The following SUMF1 variants were observed in gnomAD, a reference collection of about 807,000 sequenced individuals.
SUMF1 encodes the protein sulfatase modifying factor 1.
In SUMF1, 48 loss-of-function variants were observed where a neutral mutation model predicts 47.6. The ratio of observed to expected loss-of-function variants is 1.01; its 90% CI spans 0.80 to 1.28. The LOEUF (loss-of-function observed/expected upper bound fraction) is 1.28, where lower values mean the gene tolerates loss of function less well. Among genes scored for constraint, SUMF1 ranks in the 50% most tolerant of loss-of-function variants. The pLI is 0.00. For synonymous variants in SUMF1, 230 were observed against 192.1 expected, an observed-to-expected ratio of 1.20 and a Z score of -1.63; for missense variants, 571 against 485.4, an observed-to-expected ratio of 1.18 and a Z score of -1.66.
chr3:4,288,718 C>T (rs7642568), intron 8 of SUMF1, among the ~76,000 whole-genome samples: 2,474 of 151,658 alleles, frequency 0.016, 73 homozygotes, highest in African/African-American at 0.057. Context: ...AGGAGAATTG[C>T]TTGAAACCTG....
intron 7 of SUMF1, among the ~76,000 whole-genome samples, chr3:4,401,750 A>G (rs547121978): frequency 4.5e-4 from 69 of 152,340 alleles, no homozygotes; most frequent in African/African-American, 1.6e-3. Context: ...ACAAATAACC[A>G]CACTAGCAAA....
At chr3:4,369,354 A>G (rs1225174875) in intron 8 of SUMF1, among the ~76,000 whole-genome samples, 1 of 152,214 alleles carries the variant, frequency 6.6e-6, no homozygotes, top group African/African-American at 2.4e-5. Context: ...CATGCAATGG[A>G]AGCTCTCAAA....
intron 8 of SUMF1, among the ~76,000 whole-genome samples, chr3:4,273,565 G>A (rs993738229): frequency 6.6e-6 from 1 of 151,872 alleles, no homozygotes; most frequent in Non-Finnish European, 1.5e-5. Context: ...TCATAGAAAT[G>A]TTCCAACATT....
chr3:4,407,807 T>C (rs903966374), intron 7 of SUMF1, among the ~76,000 whole-genome samples: 29 of 152,294 alleles, frequency 1.9e-4, no homozygotes, highest in African/African-American at 6.7e-4. Flanking sequence ...AGCAGAACTT[T>C]CAATAGACTC....
At chr3:4,405,153 T>C (rs17040633) in intron 7 of SUMF1, among the ~76,000 whole-genome samples, 1 of 152,082 alleles carries the variant, frequency 6.6e-6, no homozygotes, top group Non-Finnish European at 1.5e-5. Flanking sequence ...TGTGAGTCCA[T>C]GCCCTAAGTC....
intron 1 of SUMF1, among the ~76,000 whole-genome samples, chr3:4,456,648 A>ATGTGTG (rs1315366535): frequency 7.0e-6 from 1 of 143,588 alleles, no homozygotes; most frequent in Non-Finnish European, 1.5e-5. Context: ...GTATATATAT[A>ATGTGTG]TATGTGTGTG....
rs73809520 is a variant in SUMF1, at chr3:4,369,611, C to T, written c.1014+6719G>A. On this transcript the variant is annotated intron_variant, in intron 8 of 8. Transcript: ENST00000272902. ...TAAACGTACACGCTTTTTTAGAAGG[C>T]AAAAATTGATGTGGATGAGATTTCC... Among the ~76,000 whole-genome samples, 581 of 152,196 alleles carry T rather than the reference C, an allele frequency of 3.8e-3. 5 individuals carry two copies. Among genetic ancestry groups the T allele is most frequent in the African/African-American group, 0.013 (552 of 41,532 alleles).
intron 8 of SUMF1, among the ~76,000 whole-genome samples, chr3:4,089,850 T>C (rs1012560102): frequency 6.6e-6 from 1 of 152,164 alleles, no homozygotes; most frequent in Non-Finnish European, 1.5e-5. Flanking sequence ...TGGTCCTTCA[T>C]TTTCAGCTTC....
chr3:4,281,090 A>C (rs935462362), intron 8 of SUMF1, among the ~76,000 whole-genome samples: 1 of 152,098 alleles, frequency 6.6e-6, no homozygotes, highest in Non-Finnish European at 1.5e-5. Flanking sequence ...CAAATGGAAA[A>C]GCAGGGACTG....
At chr3:4,242,726 A>G (rs917684845) in intron 8 of SUMF1, among the ~76,000 whole-genome samples, 2 of 152,126 alleles carry the variant, frequency 1.3e-5, no homozygotes, top group Admixed American at 1.3e-4. Flanking sequence ...ATATTGGCCT[A>G]AATTTTTCTC....
Position 4,464,273 on chromosome 3 carries a change from G to T in SUMF1, c.270+2703C>A, listed in dbSNP as rs1289525018. On this transcript the variant is annotated intron_variant, in intron 1 of 8. Coordinates refer to ENST00000272902, the MANE Select transcript of SUMF1 (RefSeq NM_182760.4). Reference sequence around the variant, plus strand: ...TTCCTCCAAGGCCTAGCTCAAATGTGGCCTTTTTTTTTTTGAGGCACTACT... The same window carrying T: ...TTCCTCCAAGGCCTAGCTCAAATGTTGCCTTTTTTTTTTTGAGGCACTACT... 3.0e-5 allele frequency among the ~76,000 whole-genome samples: 4 copies of T among 133,196 alleles called. No homozygotes were observed. In the East Asian group the frequency reaches 6.1e-4, roughly 20 times the overall value. The allele number at this position is 133,196 out of a possible 152,430, so 87.4% of individuals were successfully genotyped here. A position where few individuals can be genotyped will look rare whatever the true frequency, so the allele number is the denominator to read the frequency against.
At chr3:4,384,006 A>G (rs778268752) in intron 7 of SUMF1, among the ~76,000 whole-genome samples, 1 of 152,248 alleles carries the variant, frequency 6.6e-6, no homozygotes, top group Non-Finnish European at 1.5e-5. Context: ...CAGTGTGACC[A>G]TTATTGCTTT....
chr3:4,044,475 T>C (rs1375356847), intron 9 of SUMF1, among the ~76,000 whole-genome samples: 1 of 152,204 alleles, frequency 6.6e-6, no homozygotes, highest in Non-Finnish European at 1.5e-5. Flanking sequence ...TTTACTGCAG[T>C]AAAAGGGTAT....
At chr3:4,389,361 T>C (rs949186461) in intron 7 of SUMF1, among the ~76,000 whole-genome samples, 1 of 148,392 alleles carries the variant, frequency 6.7e-6, no homozygotes, top group South Asian at 2.1e-4. Flanking sequence ...ATAGGTAAGG[T>C]GTCATTTTTT....
At chr3:4,336,958 A>G (rs1699165193) in intron 8 of SUMF1, among the ~76,000 whole-genome samples, 1 of 152,190 alleles carries the variant, frequency 6.6e-6, no homozygotes, top group Non-Finnish European at 1.5e-5. Flanking sequence ...CCTAATTTGT[A>G]AGGGCAGCCA....
chr3:4,043,476 C>T (rs938339844), intron 9 of SUMF1, among the ~76,000 whole-genome samples: 2 of 152,198 alleles, frequency 1.3e-5, no homozygotes, highest in Admixed American at 6.5e-5. Context: ...GTCCCCAATT[C>T]CTCTCTCAGC....
At chr3:4,367,183 T>G (rs565212380) in intron 8 of SUMF1, among the ~76,000 whole-genome samples, 5,534 of 152,252 alleles carry the variant, frequency 0.036, 142 homozygotes, top group Non-Finnish European at 0.05. Flanking sequence ...GGGACCCACT[T>G]GAGGAGGCAG....
chr3:4,466,076 T>C (rs2079936169), intron 1 of SUMF1, among the ~76,000 whole-genome samples: 1 of 152,184 alleles, frequency 6.6e-6, no homozygotes, highest in East Asian at 1.9e-4. Flanking sequence ...ATATGCAAAA[T>C]ACCGGGCAGA....
chr3:4,213,073 T>A (rs942066260), intron 8 of SUMF1, among the ~76,000 whole-genome samples: 8 of 152,040 alleles, frequency 5.3e-5, no homozygotes, highest in Non-Finnish European at 1.2e-4. Flanking sequence ...ACCACAAAGA[T>A]ACTCCTCAAG....
Sources: allele counts gnomAD v4.1 joint callset (sites outside exome capture counted in the v4.1 genomes callset), GRCh38; gene constraint gnomAD v4.1.1; transcripts MANE v1.5; gene names NCBI Gene and HGNC (gene_info 2026-07-23, HGNC 2026-07-21).